Variants in CD300LB observed in about 807,000 individuals in gnomAD.
The protein encoded by CD300LB is CD300 molecule like family member b.
A neutral mutation model predicts 20.8 loss-of-function variants in CD300LB; 18 were observed. The ratio of observed to expected loss-of-function variants is 0.87; its 90% CI spans 0.60 to 1.28. The LOEUF (loss-of-function observed/expected upper bound fraction) is 1.28, where lower values mean the gene tolerates loss of function less well. CD300LB is among the 50% of genes most tolerant of loss of function. The pLI is 0.00. For synonymous variants in CD300LB, 91 were observed against 91.3 expected, an observed-to-expected ratio of 1.00 and a Z score of 0.02; for missense variants, 222 against 251.8, an observed-to-expected ratio of 0.88 and a Z score of 0.80.
At chr17:74,525,133 C>T (rs1392498184) in intron 2 of CD300LB, among the ~76,000 whole-genome samples, 1 of 152,106 alleles carries the variant, frequency 6.6e-6, no homozygotes, top group Non-Finnish European at 1.5e-5. Flanking sequence ...GCAGGATGAC[C>T]CCAGAGTCTA....
In CD300LB at chr17:74,523,722, GC is replaced by G. The variant is rs1161165148; in HGVS notation, c.371-72del. ...GCTCATGCATGGGTCACAAAGCCAC[GC>G]GACCCTGCCAGCCCTCACCAGAAGA... On this transcript the variant is annotated intron_variant, in intron 2 of 3. Transcript: ENST00000392621. 10 of 1,007,794 alleles carry G rather than the reference GC, an allele frequency of 9.9e-6. No individual in the cohort carries two copies. The East Asian group carries it at 2.4e-4, about 24-fold the overall frequency. The allele number at this position is 1,007,794 out of a possible 1,614,324, so 62.4% of individuals were successfully genotyped here.
In CD300LB at chr17:74,525,920, C is replaced by A. The variant is rs867137802; in HGVS notation, c.198G>T (p.Gly66=). The A allele has an allele frequency of 1.9e-6, 3 of 1,613,990 alleles. No homozygotes were observed. Among genetic ancestry groups the A allele is most frequent in the South Asian group, 1.1e-5 (1 of 91,086 alleles). Residue 66 remains glycine (G), a synonymous_variant, in exon 2 of 4, where the codon GGG becomes GGT. Coordinates refer to ENST00000392621, the MANE Select transcript of CD300LB (RefSeq NM_174892.4). ...DTCKILIETR[G]SEQGEKSDRV... ...GGTCACTCTTCTCTCCTTGCTCCGA[C>A]CCTCTGGTTTCAATGAGGATCTTGC...
chr17:74,531,447 G>C lies in CD300LB; in HGVS notation c.-97C>G. On this transcript the variant is annotated 5_prime_UTR_variant, in exon 1 of 4. Transcript: ENST00000392621. The stretch of plus-strand genomic sequence containing the variant: ...GGAAGTTCTGCCTGAGCTCTGGCTT[G>C]CACCTTCTGCACATCTAGACCGCCT... 6.3e-7 allele frequency: 1 copy of C among 1,596,114 alleles called. No individual in the cohort carries two copies. The highest frequency in any genetic ancestry group is 1.7e-4 in the Middle Eastern group (1 of 5,980).
chr17:74,528,228 A>G (rs35149627), intron 1 of CD300LB, among the ~76,000 whole-genome samples: 4,072 of 152,220 alleles, frequency 0.027, 59 homozygotes, highest in South Asian at 0.05. Flanking sequence ...CGTTTGAATC[A>G]TCCCAAACCA....
rs201444827 is a variant in CD300LB at position 74,521,823 on chromosome 17, G to A, written c.*915C>T. 1.8e-5 allele frequency: 18 copies of A among 985,366 alleles called. No individual in the cohort carries two copies. The highest frequency in any genetic ancestry group is 5.2e-4 in the Middle Eastern group (1 of 1,936). The allele number at this position is 985,366 out of a possible 1,614,324, so 61.0% of individuals were successfully genotyped here. ...AGTGACCACATTCAAGGGCCTCATC[G>A]CCGTGGGTGAAGCCTGTGAGGAGAC... is the stretch of plus-strand genomic sequence containing the variant. On this transcript the variant is annotated 3_prime_UTR_variant, in exon 4 of 4. Coordinates refer to ENST00000392621, the MANE Select transcript of CD300LB (RefSeq NM_174892.4).
chr17:74,531,266 C>T, intron 1 of CD300LB, 45 bp downstream of exon 1: 3 of 1,496,278 alleles, frequency 2.0e-6, no homozygotes, highest in Non-Finnish European at 2.7e-6. Flanking sequence ...TGCCTCCTGC[C>T]CTGCCCCTGT....
chr17:74,530,339 C>T (rs144997008), intron 1 of CD300LB, among the ~76,000 whole-genome samples: 231 of 152,314 alleles, frequency 1.5e-3, no homozygotes, highest in African/African-American at 5.2e-3. Context: ...GATCATCTAG[C>T]CCTTCCCACT....
At chr17:74,522,977 C>T (rs141821528) in intron 3 of CD300LB, 77 bp from the exon 4 acceptor site, 4 of 1,417,730 alleles carry the variant, frequency 2.8e-6, no homozygotes, top group Non-Finnish European at 3.9e-6. Flanking sequence ...CCCTGTGAGC[C>T]ACCAGCCAAA....
chr17:74,524,169 A>G (rs146626131), intron 2 of CD300LB, among the ~76,000 whole-genome samples: 2 of 152,362 alleles, frequency 1.3e-5, no homozygotes, highest in East Asian at 3.9e-4. Flanking sequence ...TTTTAGGAGC[A>G]ACCATATAGG....
chr17:74,521,496 C>G lies in CD300LB; in HGVS notation c.*1242G>C, dbSNP rs1355252139. On this transcript the variant is annotated 3_prime_UTR_variant, in exon 4 of 4. Coordinates refer to ENST00000392621, the MANE Select transcript of CD300LB (RefSeq NM_174892.4). ...GCCATTATGGAATTTTCAGGCCCAT[C>G]ATTGGCCAGAGACCTAAATTCAGTT... 6 of 985,346 alleles carry G rather than the reference C, an allele frequency of 6.1e-6. No individual in the cohort carries two copies. The Admixed American group carries it at 3.1e-4, about 50-fold the overall frequency. The allele number at this position is 985,346 out of a possible 1,614,324, so 61.0% of individuals were successfully genotyped here.
Position 74,525,782 on chromosome 17 carries a change from G to T in CD300LB, c.336C>A (p.Asp112Glu), listed in dbSNP as rs780227021. The T allele has an allele frequency of 1.2e-6, 2 of 1,614,094 alleles. No homozygotes were observed. Among genetic ancestry groups the T allele is most frequent in the South Asian group, 2.2e-5 (2 of 91,076 alleles). Residue 112 changes from aspartate (D) to glutamate (E), a missense_variant, in exon 2 of 4, where the codon GAC becomes GAA. Coordinates refer to ENST00000392621, the MANE Select transcript of CD300LB (RefSeq NM_174892.4). ...CGATCACTTTCACTTGAGTCCCAAG[G>T]TCAGGTCCTCTTCTTTCAATCCCAC... ...YWCGIERRGPDLGTQVKVIVD... is the reference protein window; with the variant it reads ...YWCGIERRGPELGTQVKVIVD...
At chr17:74,525,618 T>TCA (rs1684923656) in intron 2 of CD300LB, 130 bp downstream of exon 2, 1 of 774,344 alleles carries the variant, frequency 1.3e-6, no homozygotes, top group African/African-American at 2.6e-5. Context: ...TGTCTGTCTG[T>TCA]CTGTCTCTCT....
Position 74,531,341 on chromosome 17 carries a change from G to A in CD300LB, c.10C>T (p.Pro4Ser), listed in dbSNP as rs1011648660. The change falls in exon 1 of 4, where the codon CCC becomes TCC. Residue 4 changes from proline (P) to serine (S), a missense_variant. Coordinates refer to ENST00000392621, the MANE Select transcript of CD300LB (RefSeq NM_174892.4). ...AGGCTGAGAAGGAGCAGAGCAGGGG[G>A]CAGCCACATGGCTCTGCCTTCCCGG... is the stretch of plus-strand genomic sequence containing the variant. Reference protein sequence around the residue: MWLPPALLLLSLSG... With the variant: MWLSPALLLLSLSG... The A allele has an allele frequency of 6.2e-7, 1 of 1,607,886 alleles. No individual in the cohort carries two copies. Among genetic ancestry groups the A allele is most frequent in the Non-Finnish European group, 8.5e-7 (1 of 1,176,882 alleles).
Position 74,521,451 on chromosome 17 carries a change from G to A in CD300LB, c.*1287C>T. On this transcript the variant is annotated 3_prime_UTR_variant, in exon 4 of 4. Transcript: ENST00000392621. ...AGAATGACTCAGGGGATCTTAGCCG[G>A]GCTCGAACTCTCCTCTCTGGCCATT... The A allele has an allele frequency of 7.1e-6, 7 of 985,448 alleles. No homozygotes were observed. In the South Asian group the frequency reaches 3.3e-4, roughly 46 times the overall value. 61.0% of individuals were successfully genotyped at this position (985,448 alleles called of 1,614,324 possible).
rs568686362 is a variant in CD300LB at position 74,525,966 on chromosome 17, C to T, written c.152G>A (p.Arg51Gln). ...GWETYIKWWC[R>Q]GVRWDTCKIL... ...CTTGCATGTATCCCAGCGCACCCCTCGGCACCACCACTTAATGTAGGTCTC... is the reference window on the plus strand; with the variant it reads ...CTTGCATGTATCCCAGCGCACCCCTTGGCACCACCACTTAATGTAGGTCTC... The change falls in exon 2 of 4, where the codon CGA (arginine) becomes CAA (glutamine). Residue 51 changes from arginine to glutamine, a missense_variant. By Grantham distance (43) the Arg-to-Gln change is conservative. Coordinates refer to ENST00000392621, the MANE Select transcript of CD300LB (RefSeq NM_174892.4). 2.0e-5 allele frequency: 33 copies of T among 1,614,142 alleles called. No individual in the cohort carries two copies. In the East Asian group the frequency reaches 5.1e-4, roughly 25 times the overall value.
intron 2 of CD300LB, 144 bp from the exon 3 acceptor site, chr17:74,523,795 T>G (rs1442591407): frequency 1.5e-6 from 1 of 656,626 alleles, no homozygotes; most frequent in Non-Finnish European, 2.9e-6. Flanking sequence ...CTACAGCCCC[T>G]CATGCTTCTA....
At chr17:74,530,591 A>ACACACACACACACC (rs879389543) in intron 1 of CD300LB, among the ~76,000 whole-genome samples, 11 of 146,760 alleles carry the variant, frequency 7.5e-5, no homozygotes, top group African/African-American at 2.9e-4. Flanking sequence ...ACACACACAC[A>ACACACACACACACC]CCCAACTCTC....
chr17:74,522,700 A>T lies in CD300LB; in HGVS notation c.*38T>A. 2 of 1,610,762 alleles carry T rather than the reference A, an allele frequency of 1.2e-6. No homozygotes were observed. The highest frequency in any genetic ancestry group is 1.7e-6 in the Non-Finnish European group (2 of 1,177,742). ...TCCACAGCCCGAGTCTCTTCTGGAAACGTGGCCAGGGCAGGAAGGCTCTGC... is the reference window on the plus strand; with the variant it reads ...TCCACAGCCCGAGTCTCTTCTGGAATCGTGGCCAGGGCAGGAAGGCTCTGC... On this transcript the variant is annotated 3_prime_UTR_variant, in exon 4 of 4. Transcript: ENST00000392621.
intron 2 of CD300LB, 136 bp from the exon 3 acceptor site, chr17:74,523,787 A>G (rs1907954231): frequency 1.5e-6 from 1 of 667,240 alleles, no homozygotes; most frequent in Non-Finnish European, 2.8e-6. Flanking sequence ...CTCTCCTGCT[A>G]CAGCCCCTCA....
Sources: allele counts gnomAD v4.1 joint callset (sites outside exome capture counted in the v4.1 genomes callset), GRCh38; gene constraint gnomAD v4.1.1; transcripts MANE v1.5; gene names NCBI Gene and HGNC (gene_info 2026-07-23, HGNC 2026-07-21).